Variants in CERS3 observed in about 807,000 individuals in gnomAD.
CERS3 encodes LAG1 homolog, ceramide synthase 3.
CERS3 carries 33 observed loss-of-function variants against 50.3 expected under a neutral mutation model. That is an observed-to-expected ratio of 0.66 (90% CI 0.50 to 0.88). The LOEUF (loss-of-function observed/expected upper bound fraction) is 0.88. Ranked by LOEUF, CERS3 falls within the 40% of genes least tolerant of loss-of-function variation. The probability of loss-of-function intolerance (pLI) is 0.00; values close to 1 mark genes in which losing one functional copy is unlikely to be tolerated. For missense variants in CERS3, 470 were observed against 460.3 expected, an observed-to-expected ratio of 1.02 and a Z score of -0.19; for synonymous variants, 176 against 155.2, an observed-to-expected ratio of 1.13 and a Z score of -0.99.
chr15:100,406,659 C>T (rs898310733), intron 11 of CERS3, among the ~76,000 whole-genome samples: 1 of 152,046 alleles, frequency 6.6e-6, no homozygotes, highest in Non-Finnish European at 1.5e-5. Flanking sequence ...ATGCTGGGAG[C>T]CAGGATCAAA....
Position 100,469,395 on chromosome 15 carries a change from G to A in CERS3, c.828C>T (p.Leu276=). ...IFSTIFFISR[L]IVFPFWILYC... ...CTACTCACCAGAAAGGAAAAACAAT[G>A]AGGCGGCTGATGAAAAATATGGTGG... is the stretch of plus-strand genomic sequence containing the variant. Residue 276 remains leucine (L), a synonymous_variant, in exon 10 of 12, where the codon CTC becomes CTT. Coordinates refer to ENST00000679737, the MANE Select transcript of CERS3 (RefSeq NM_001378789.1). The A allele has an allele frequency of 6.2e-7, 1 of 1,613,812 alleles. No individual in the cohort carries two copies. Among genetic ancestry groups the A allele is most frequent in the Non-Finnish European group, 8.5e-7 (1 of 1,179,736 alleles).
Position 100,526,064 on chromosome 15 carries a change from G to A in CERS3, c.-92+2749C>T, listed in dbSNP as rs146551573. Among the ~76,000 whole-genome samples the A allele has an allele frequency of 3.5e-3, 538 of 152,282 alleles. 8 individuals are homozygous for A. The highest frequency in any genetic ancestry group is 0.012 in the African/African-American group (504 of 41,552). On this transcript the variant is annotated intron_variant, in intron 1 of 11. Transcript: ENST00000679737. The stretch of plus-strand genomic sequence containing the variant: ...AGAGAGCTTCTCTGTGTTCCCCTCT[G>A]CTATCTCTCTGCTATGATCTGCAGT...
chr15:100,435,638 TA>T (rs1473148694), intron 11 of CERS3, among the ~76,000 whole-genome samples: 5 of 152,132 alleles, frequency 3.3e-5, no homozygotes, highest in African/African-American at 1.2e-4. Context: ...CTAATTAAAC[TA>T]AAGAGCTTCT....
Position 100,501,843 on chromosome 15 carries a change from A to C in CERS3, c.7T>G (p.Trp3Gly), listed in dbSNP as rs554729137. Residue 3 changes from tryptophan to glycine, a missense_variant, in exon 3 of 12, where the codon TGG becomes GGG. Transcript: ENST00000679737. MFWTFKEWFWLER... is the reference protein window; with the variant it reads MFGTFKEWFWLER... Reference sequence around the variant, plus strand: ...AACCAGAACCATTCTTTAAACGTCCAAAACATTCTAGAGAAATGGAAACAG... The same window carrying C: ...AACCAGAACCATTCTTTAAACGTCCCAAACATTCTAGAGAAATGGAAACAG... The C allele has an allele frequency of 3.8e-5, 61 of 1,613,946 alleles. No individual in the cohort carries two copies. The South Asian group carries it at 6.2e-4, about 16-fold the overall frequency.
chr15:100,458,630 T>G (rs2034453185), intron 10 of CERS3, among the ~76,000 whole-genome samples: 1 of 151,944 alleles, frequency 6.6e-6, no homozygotes, highest in Non-Finnish European at 1.5e-5. Context: ...TTTTAAAAAT[T>G]TAGGAATTAC....
At chr15:100,539,849 A>G (rs2142435959) in intron 1 of CERS3, among the ~76,000 whole-genome samples, 1 of 152,152 alleles carries the variant, frequency 6.6e-6, no homozygotes, top group Non-Finnish European at 1.5e-5. Context: ...ATCCCAGGAG[A>G]GCTGGCCATC....
At chr15:100,509,933 C>T (rs2036291249) in intron 2 of CERS3, among the ~76,000 whole-genome samples, 1 of 150,824 alleles carries the variant, frequency 6.6e-6, no homozygotes. Context: ...AGTTGTCAAA[C>T]AATTCTTAAA....
chr15:100,540,883 C>T (rs72761214), intron 1 of CERS3, among the ~76,000 whole-genome samples: 12,071 of 152,246 alleles, frequency 0.079, 657 homozygotes, highest in African/African-American at 0.14. Flanking sequence ...GTCTCTCCCC[C>T]TTTGTTTCAA....
At chr15:100,404,264 C>A (rs2030803901) in intron 11 of CERS3, among the ~76,000 whole-genome samples, 1 of 152,132 alleles carries the variant, frequency 6.6e-6, no homozygotes, top group Admixed American at 6.5e-5. Flanking sequence ...ATTTTGAGCA[C>A]CAAATTTGTA....
At chr15:100,417,948 G>A (rs372336520) in intron 11 of CERS3, among the ~76,000 whole-genome samples, 1 of 151,970 alleles carries the variant, frequency 6.6e-6, no homozygotes, top group Non-Finnish European at 1.5e-5. Context: ...CATCATCAAA[G>A]ACCAAAAGTA....
At chr15:100,540,359 A>C (rs1004305213) in intron 1 of CERS3, among the ~76,000 whole-genome samples, 2 of 152,212 alleles carry the variant, frequency 1.3e-5, no homozygotes, top group African/African-American at 4.8e-5. Context: ...CCTGGCCAAC[A>C]TGGCAAAACC....
At chr15:100,424,769 A>G (rs979985676) in intron 11 of CERS3, among the ~76,000 whole-genome samples, 16 of 152,250 alleles carry the variant, frequency 1.1e-4, no homozygotes, top group Non-Finnish European at 2.4e-4. Flanking sequence ...GCAGAGCACA[A>G]AAGTTTGCAA....
intron 11 of CERS3, among the ~76,000 whole-genome samples, chr15:100,449,449 C>A (rs897135039): frequency 1.3e-5 from 2 of 152,184 alleles, no homozygotes; most frequent in African/African-American, 4.8e-5. Context: ...ATCTGAAGGC[C>A]CAAGAATCAG....
chr15:100,454,279 A>G (rs767304955), intron 11 of CERS3, among the ~76,000 whole-genome samples: 13 of 151,206 alleles, frequency 8.6e-5, no homozygotes, highest in Non-Finnish European at 1.3e-4. Context: ...AGTCCCAGCT[A>G]CTTGAGTGGC....
intron 9 of CERS3, among the ~76,000 whole-genome samples, chr15:100,469,765 G>A (rs1015391327): frequency 3.9e-5 from 6 of 152,230 alleles, no homozygotes; most frequent in South Asian, 2.1e-4. Context: ...AATACCACTC[G>A]TGTCTTTTGA....
At chr15:100,527,379 T>G (rs1362016037) in intron 1 of CERS3, among the ~76,000 whole-genome samples, 4 of 152,206 alleles carry the variant, frequency 2.6e-5, no homozygotes, top group African/African-American at 7.2e-5. Context: ...TTGATCTGTC[T>G]TTCTAGTCAA....
chr15:100,449,614 T>G (rs943443103), intron 11 of CERS3, among the ~76,000 whole-genome samples: 2 of 152,016 alleles, frequency 1.3e-5, no homozygotes, highest in African/African-American at 4.8e-5. Flanking sequence ...CAATGAAAAA[T>G]TCACAGACAC....
Position 100,401,209 on chromosome 15 carries a change from G to A in CERS3, c.*1504C>T, listed in dbSNP as rs1407860460. The A allele has an allele frequency of 1.3e-5, 2 of 152,188 alleles. No homozygotes were observed. Among genetic ancestry groups the A allele is most frequent in the African/African-American group, 4.8e-5 (2 of 41,440 alleles). 9.4% of individuals were successfully genotyped at this position (152,188 alleles called of 1,614,324 possible). On this transcript the variant is annotated 3_prime_UTR_variant, in exon 12 of 12. Coordinates refer to ENST00000679737, the MANE Select transcript of CERS3 (RefSeq NM_001378789.1). ...GTACGAGCCCCTGAATAAATAGGAT[G>A]AACATACAAAATCTGACCGTTATGA...
intron 10 of CERS3, among the ~76,000 whole-genome samples, chr15:100,459,467 TG>T (rs1363842686): frequency 6.6e-6 from 1 of 152,178 alleles, no homozygotes; most frequent in Non-Finnish European, 1.5e-5. Flanking sequence ...GGCCAATTTT[TG>T]TATTTTGTTT....
Sources: gnomAD v4.1 joint callset for allele counts (sites outside exome capture counted in the v4.1 genomes callset) on GRCh38, gnomAD v4.1.1 for gene constraint, MANE v1.5 for transcripts, NCBI Gene and HGNC (gene_info 2026-07-23, HGNC 2026-07-21) for gene names.